STS: variants seen among roughly 807,000 people sequenced by gnomAD.
STS encodes the protein steroid sulfatase.
Under a neutral mutation model 26.8 loss-of-function variants are expected in STS, and 7 were observed. That is an observed-to-expected ratio of 0.26 (90% CI 0.15 to 0.49). The LOEUF (loss-of-function observed/expected upper bound fraction) is 0.49. Among genes scored for constraint, STS ranks in the 20% least tolerant of loss-of-function variants. STS has a pLI of 0.98. For missense variants in STS, 434 were observed against 465.6 expected, an observed-to-expected ratio of 0.93 and a Z score of 0.63; for synonymous variants, 199 against 189.4, an observed-to-expected ratio of 1.05 and a Z score of -0.42.
At chrX:7,205,380 G>C (rs193206042) in intron 2 of STS, among the ~76,000 whole-genome samples, 4 of 111,630 alleles carry the variant, frequency 3.6e-5, no homozygotes, top group African/African-American at 1.3e-4. Flanking sequence ...TTACATGTGA[G>C]AGTGCAACCA....
chrX:7,156,458 T>C (rs1933138020), intron 1 of STS, among the ~76,000 whole-genome samples: 3 of 111,577 alleles, frequency 2.7e-5, no homozygotes, highest in South Asian at 3.7e-4. Context: ...TTTCTTCTCT[T>C]GTGGGCACAT....
chrX:7,287,782 C>T (rs979822505), intron 7 of STS, among the ~76,000 whole-genome samples: 2 of 109,658 alleles, frequency 1.8e-5, no homozygotes, highest in African/African-American at 3.3e-5. Flanking sequence ...AAAATTCAGC[C>T]GAGATCAAAT....
In STS at chrX:7,147,984, C is replaced by T; in HGVS notation, c.-233C>T. ...CCGCGGCCCCCAGGCCGTGACGTACCCCGCGCCGACCGTCCCCACGCCCAC... is the reference window on the plus strand; with the variant it reads ...CCGCGGCCCCCAGGCCGTGACGTACTCCGCGCCGACCGTCCCCACGCCCAC... On this transcript the variant is annotated 5_prime_UTR_variant, in exon 1 of 11. Transcript: ENST00000674429. The T allele has an allele frequency of 1.2e-6, 1 of 867,208 alleles. No individual in the cohort carries two copies. Among genetic ancestry groups the T allele is most frequent in the Non-Finnish European group, 1.6e-6 (1 of 616,966 alleles). 71.5% of individuals were successfully genotyped at this position (867,208 alleles called of 1,213,427 possible).
intron 1 of STS, among the ~76,000 whole-genome samples, chrX:7,154,640 G>C (rs1191999860): frequency 3.6e-5 from 4 of 111,985 alleles, no homozygotes; most frequent in African/African-American, 9.7e-5. Flanking sequence ...TTCAACCTCT[G>C]TTGGTCTTCC....
At chrX:7,316,293 C>T (rs993986576) in intron 8 of STS, among the ~76,000 whole-genome samples, 4 of 111,893 alleles carry the variant, frequency 3.6e-5, no homozygotes, top group South Asian at 7.5e-4. Flanking sequence ...TTGGTGTGCT[C>T]ACCCCACCCC....
intron 1 of STS, among the ~76,000 whole-genome samples, chrX:7,148,706 AC>A (rs1363065229): frequency 3.6e-5 from 4 of 111,616 alleles, no homozygotes; most frequent in Non-Finnish European, 1.9e-5. Context: ...CGCGACTTGA[AC>A]CGGCAGCCGC....
intron 2 of STS, among the ~76,000 whole-genome samples, chrX:7,243,403 C>G (rs1353769073): frequency 8.9e-6 from 1 of 111,823 alleles, no homozygotes; most frequent in African/African-American, 3.2e-5. Context: ...CTGAGTAACT[C>G]CCCCATGGTC....
intron 6 of STS, among the ~76,000 whole-genome samples, chrX:7,262,820 C>T (rs778190164): frequency 9.0e-6 from 1 of 111,520 alleles, no homozygotes; most frequent in African/African-American, 3.3e-5. Context: ...AAAAGGTAGG[C>T]ACACCAGGAG....
intron 9 of STS, among the ~76,000 whole-genome samples, chrX:7,332,331 T>TAA (rs769894823): frequency 2.3e-5 from 2 of 85,321 alleles, no homozygotes; most frequent in Admixed American, 1.4e-4. Flanking sequence ...ACCTTGTCTC[T>TAA]AAAAAAAAAA....
chrX:7,230,926 G>T (rs1373731133), intron 2 of STS, among the ~76,000 whole-genome samples: 2 of 112,019 alleles, frequency 1.8e-5, no homozygotes, highest in African/African-American at 6.5e-5. Context: ...TATCAGGTGG[G>T]TGAGCCTAGA....
chrX:7,344,542 A>G (rs1290471944), intron 10 of STS, among the ~76,000 whole-genome samples: 1 of 111,446 alleles, frequency 9.0e-6, no homozygotes, highest in Non-Finnish European at 1.9e-5. Context: ...CCAGCAGAAG[A>G]GACAGCTCCT....
At chrX:7,321,708 TTAAC>T (rs1267081435) in intron 8 of STS, among the ~76,000 whole-genome samples, 4 of 112,615 alleles carry the variant, frequency 3.6e-5, no homozygotes, top group African/African-American at 6.5e-5. Flanking sequence ...TCGTTCTCAC[TTAAC>T]TGTCTATTTA....
At chrX:7,149,599 G>T (rs987807578) in intron 1 of STS, among the ~76,000 whole-genome samples, 1 of 111,903 alleles carries the variant, frequency 8.9e-6, no homozygotes, top group East Asian at 2.8e-4. Flanking sequence ...GTCGTTCGTG[G>T]TTTCTGTATT....
At chrX:7,170,674 T>C (rs2146997749) in intron 1 of STS, among the ~76,000 whole-genome samples, 1 of 110,566 alleles carries the variant, frequency 9.0e-6, no homozygotes, top group African/African-American at 3.3e-5. Context: ...TTTGTAGAAA[T>C]GGGGTCTCAC....
At chrX:7,344,783 A>C (rs765470717) in intron 10 of STS, among the ~76,000 whole-genome samples, 1 of 111,851 alleles carries the variant, frequency 8.9e-6, no homozygotes, top group East Asian at 2.8e-4. Flanking sequence ...CCGTAAGGGC[A>C]CACTCACGTT....
At chrX:7,223,273 G>A (rs1014204646) in intron 2 of STS, among the ~76,000 whole-genome samples, 2 of 111,969 alleles carry the variant, frequency 1.8e-5, no homozygotes, top group Non-Finnish European at 3.8e-5. Flanking sequence ...CCGGTAGTGG[G>A]ATTGCTGGAT....
chrX:7,160,548 C>G (rs1476596473), intron 1 of STS, among the ~76,000 whole-genome samples: 1 of 111,782 alleles, frequency 8.9e-6, no homozygotes, highest in Non-Finnish European at 1.9e-5. Context: ...AGGAAATGAG[C>G]AAAGGAAGTG....
chrX:7,334,230 G>A (rs184903202), intron 10 of STS, 123 bp downstream of exon 10: 23 of 989,142 alleles, frequency 2.3e-5, no homozygotes, highest in East Asian at 6.2e-5. Context: ...CTCAATGTGC[G>A]CCCATGCTTT....
intron 8 of STS, among the ~76,000 whole-genome samples, chrX:7,314,454 G>A (rs1926620621): frequency 8.9e-6 from 1 of 112,305 alleles, no homozygotes; most frequent in Non-Finnish European, 1.9e-5. Context: ...TCTGAGCTGG[G>A]AGTAGGGACC....
Sources: gnomAD v4.1 joint callset for allele counts (sites outside exome capture counted in the v4.1 genomes callset) on GRCh38, gnomAD v4.1.1 for gene constraint, MANE v1.5 for transcripts, NCBI Gene and HGNC (gene_info 2026-07-23, HGNC 2026-07-21) for gene names.